Variants in SNRPD2 observed in about 807,000 individuals in gnomAD.
The protein encoded by SNRPD2 is small nuclear ribonucleoprotein Sm D2.
Under a neutral mutation model 11.5 loss-of-function variants are expected in SNRPD2, and 1 was observed. The observed-to-expected ratio is 0.09, with a 90% CI of 0.03 to 0.41. The LOEUF is 0.41. SNRPD2 is among the 10% of genes least tolerant of loss of function. SNRPD2 has a pLI of 0.98. For missense variants in SNRPD2, 77 were observed against 154.9 expected (o/e 0.50, Z 2.67); for synonymous variants, 63 against 61.5 (o/e 1.02, Z -0.12).
chr19:45,688,860 G>A lies in SNRPD2; in HGVS notation c.3-294C>T, dbSNP rs369579575. Among the ~76,000 whole-genome samples the A allele has an allele frequency of 1.3e-5, 2 of 152,102 alleles. No individual in the cohort carries two copies. The highest frequency in any genetic ancestry group is 3.9e-4 in the East Asian group (2 of 5,174). Reference sequence around the variant, plus strand: ...CGATTCTCCTGCCTCAGCCTCCTGAGGAGCTGGGACTACAGGCATGCACCA... The same window carrying A: ...CGATTCTCCTGCCTCAGCCTCCTGAAGAGCTGGGACTACAGGCATGCACCA... On this transcript the variant is annotated intron_variant, in intron 1 of 2. Transcript: ENST00000342669. The surrounding 1 kb of genome is among the most constrained non-coding windows in gnomAD (Gnocchi z 4.1).
At chr19:45,691,494 G>T (rs1967548896) in intron 1 of SNRPD2, 1 of 215,284 alleles carries the variant, frequency 4.6e-6, no homozygotes, top group South Asian at 6.7e-5. Context: ...AATTATCTAG[G>T]ACCACTCCCG....
At chr19:45,689,171 A>G in intron 1 of SNRPD2, 1 of 519,920 alleles carries the variant, frequency 1.9e-6, no homozygotes, top group Non-Finnish European at 3.8e-6. Context: ...TCTTTTGTCA[A>G]CTTGATTCCT....
At chr19:45,690,831 CAA>C (rs34253731) in intron 1 of SNRPD2, among the ~76,000 whole-genome samples, 16 of 87,392 alleles carry the variant, frequency 1.8e-4, no homozygotes, top group East Asian at 6.9e-4. Flanking sequence ...GGCTCCGTCT[CAA>C]AAAAAAAAAA....
chr19:45,691,553 T>TTTTTA, intron 1 of SNRPD2: 1 of 282,858 alleles, frequency 3.5e-6, no homozygotes, highest in South Asian at 8.2e-5. Context: ...TTTTTTTTTG[T>TTTTTA]AGAGACGGGG....
At chr19:45,692,038 G>C, upstream of SNRPD2, 1 of 1,588,446 alleles carries the variant, frequency 6.3e-7, no homozygotes, top group Non-Finnish European at 8.6e-7. Context: ...TGTTGCCACA[G>C]CATTCCCCAC....
chr19:45,687,821 G>A lies in SNRPD2; in HGVS notation c.183-94C>T, dbSNP rs1967449747. On this transcript the variant is annotated intron_variant, in intron 2 of 2. Transcript: ENST00000342669. The surrounding 1 kb of genome is among the most constrained non-coding windows in gnomAD (Gnocchi z 4.1). ...TGCTGCTCGCCCCCTCCAGCAGCAT[G>A]GCTTGGGGAAGGGTGCAGGTGCTAG... 1 of 1,054,490 alleles carries A rather than the reference G, an allele frequency of 9.5e-7. No individual in the cohort carries two copies. Among genetic ancestry groups the A allele is most frequent in the Admixed American group, 1.9e-5 (1 of 53,168 alleles). The allele number at this position is 1,054,490 out of a possible 1,614,324, so 65.3% of individuals were successfully genotyped here. A position where few individuals can be genotyped will look rare whatever the true frequency, so the allele number is the denominator to read the frequency against.
rs753245646 is a variant in SNRPD2, at chr19:45,688,925, G to C, written c.3-359C>G. Reference sequence around the variant, plus strand: ...TAATTTTTGTATTTTAGTAAACAGGGGGTTTCACCATGTTGGCCAGGATGG... The same window carrying C: ...TAATTTTTGTATTTTAGTAAACAGGCGGTTTCACCATGTTGGCCAGGATGG... On this transcript the variant is annotated intron_variant, in intron 1 of 2. Coordinates refer to ENST00000342669, the MANE Select transcript of SNRPD2 (RefSeq NM_001384647.1). The surrounding 1 kb of genome is among the most constrained non-coding windows in gnomAD (Gnocchi z 4.1). Among the ~76,000 whole-genome samples, 1 of 151,972 alleles carries C rather than the reference G, an allele frequency of 6.6e-6. No individual in the cohort carries two copies. The highest frequency in any genetic ancestry group is 2.4e-5 in the African/African-American group (1 of 41,368).
upstream of SNRPD2, chr19:45,692,002 G>A: frequency 1.9e-6 from 3 of 1,610,032 alleles, no homozygotes; most frequent in Non-Finnish European, 2.5e-6. Flanking sequence ...CCTGCGCAAA[G>A]CCAACCAGTA....
rs1967449484 is a variant in SNRPD2, at chr19:45,687,804, GC to G, written c.183-78del. ...CAGTGCCCCCTACTGCCTGCTGCTC[GC>G]CCCCTCCAGCAGCATGGCTTGGGGA... On this transcript the variant is annotated intron_variant, in intron 2 of 2. Coordinates refer to ENST00000342669, the MANE Select transcript of SNRPD2 (RefSeq NM_001384647.1). The surrounding 1 kb of genome is among the most constrained non-coding windows in gnomAD (Gnocchi z 4.1). 5.1e-6 allele frequency: 6 copies of G among 1,187,144 alleles called. No individual in the cohort carries two copies. Among genetic ancestry groups the G allele is most frequent in the Non-Finnish European group, 7.4e-6 (6 of 813,076 alleles). The allele number at this position is 1,187,144 out of a possible 1,614,324, so 73.5% of individuals were successfully genotyped here.
chr19:45,691,731 C>A (rs1475194258), intron 1 of SNRPD2, 156 bp downstream of exon 1: 1 of 926,602 alleles, frequency 1.1e-6, no homozygotes, highest in African/African-American at 1.6e-5. Flanking sequence ...AAAGGCCCCA[C>A]GCCCGTTCTC....
rs1353811375 is a variant in SNRPD2 at position 45,687,847 on chromosome 19, G to A, written c.183-120C>T. ...GCTTGGGGAAGGGTGCAGGTGCTAG[G>A]CCGGGATGACCAAGCTGCCAAAGCA... On this transcript the variant is annotated intron_variant, in intron 2 of 2. Transcript: ENST00000342669. The surrounding 1 kb of genome is among the most constrained non-coding windows in gnomAD (Gnocchi z 4.1). 6.2e-6 allele frequency: 5 copies of A among 800,026 alleles called. No individual in the cohort carries two copies. Among genetic ancestry groups the A allele is most frequent in the Non-Finnish European group, 1.0e-5 (5 of 494,062 alleles). 49.6% of individuals were successfully genotyped at this position (800,026 alleles called of 1,614,324 possible). A position where few individuals can be genotyped will look rare whatever the true frequency, so the allele number is the denominator to read the frequency against.
chr19:45,690,841 A>G (rs930238565), intron 1 of SNRPD2, among the ~76,000 whole-genome samples: 1 of 151,840 alleles, frequency 6.6e-6, no homozygotes, highest in Non-Finnish European at 1.5e-5. Flanking sequence ...CAAAAAAAAA[A>G]AAAAAAAGAA....
chr19:45,689,386 G>A (rs184204133), intron 1 of SNRPD2: 7 of 447,300 alleles, frequency 1.6e-5, no homozygotes, highest in Admixed American at 5.0e-5. Flanking sequence ...CCCTCCCAGG[G>A]TATGGGTACA....
At position 45,688,643 on chromosome 19, in the gene SNRPD2, G is replaced by T; in HGVS notation, c.3-77C>A. On this transcript the variant is annotated intron_variant, in intron 1 of 2. Transcript: ENST00000342669. The surrounding 1 kb of genome is among the most constrained non-coding windows in gnomAD (Gnocchi z 4.1). ...CTGGAGCTGTGAGGATGGGTGATCAGGGCCTTGGCTTCAGTGTCTCCCCAA... is the reference window on the plus strand; with the variant it reads ...CTGGAGCTGTGAGGATGGGTGATCATGGCCTTGGCTTCAGTGTCTCCCCAA... 8.7e-7 allele frequency: 1 copy of T among 1,151,306 alleles called. No individual in the cohort carries two copies. Among genetic ancestry groups the T allele is most frequent in the Non-Finnish European group, 1.3e-6 (1 of 772,464 alleles). The allele number at this position is 1,151,306 out of a possible 1,614,324, so 71.3% of individuals were successfully genotyped here.
upstream of SNRPD2, chr19:45,692,190 T>G: frequency 1.9e-6 from 1 of 517,670 alleles, no homozygotes; most frequent in South Asian, 2.6e-5. Context: ...TGGTACAGGT[T>G]GAAGGAGGGA....
Position 45,691,871 on chromosome 19 carries a change from C to G in SNRPD2, c.2+16G>C. The G allele has an allele frequency of 6.2e-7, 1 of 1,614,152 alleles. No homozygotes were observed. Among genetic ancestry groups the G allele is most frequent in the East Asian group, 2.2e-5 (1 of 44,892 alleles). ...CTCAACCTCATTCCCGCCGCCTAAG[C>G]CTAGCCCGGCCTCACATGATGGTCA... On this transcript the variant is annotated intron_variant, in intron 1 of 2. Transcript: ENST00000342669.
Position 45,691,918 on chromosome 19 carries a change from G to C in SNRPD2, c.-30C>G. The C allele has an allele frequency of 6.2e-7, 1 of 1,614,004 alleles. No individual in the cohort carries two copies. Among genetic ancestry groups the C allele is most frequent in the African/African-American group, 1.3e-5 (1 of 75,022 alleles). On this transcript the variant is annotated 5_prime_UTR_variant, in exon 1 of 3. Coordinates refer to ENST00000342669, the MANE Select transcript of SNRPD2 (RefSeq NM_001384647.1). ...GTCACTACGCTCTCCGTTCACTCCC[G>C]TTTCCTCCGCGTTGCTGCTGCCTGA... is the stretch of plus-strand genomic sequence containing the variant.
Position 45,687,742 on chromosome 19 carries a change from G to T in SNRPD2, c.183-15C>A. 6.2e-7 allele frequency: 1 copy of T among 1,611,170 alleles called. No individual in the cohort carries two copies. The highest frequency in any genetic ancestry group is 8.5e-7 in the Non-Finnish European group (1 of 1,178,458). On this transcript the variant is annotated splice_polypyrimidine_tract_variant and intron_variant, in intron 2 of 2. Coordinates refer to ENST00000342669, the MANE Select transcript of SNRPD2 (RefSeq NM_001384647.1). The surrounding 1 kb of genome is among the most constrained non-coding windows in gnomAD (Gnocchi z 4.1). ...TGTTGCAGTGCCTGGTGGGGAACAG[G>T]GAGGGGAGGCACTGGGCGTGAGGGG...
Position 45,688,311 on chromosome 19 carries a change from C to A in SNRPD2, c.182+76G>T. The A allele has an allele frequency of 7.6e-7, 1 of 1,320,164 alleles. No homozygotes were observed. 81.8% of individuals were successfully genotyped at this position (1,320,164 alleles called of 1,614,324 possible). A position where few individuals can be genotyped will look rare whatever the true frequency, so the allele number is the denominator to read the frequency against. Reference sequence around the variant, plus strand: ...CACCCCAGGCTTCTGAGACAGCTGTCTTTGAGCTCTTCAGACTGGAGCTGG... The same window carrying A: ...CACCCCAGGCTTCTGAGACAGCTGTATTTGAGCTCTTCAGACTGGAGCTGG... On this transcript the variant is annotated intron_variant, in intron 2 of 2. Transcript: ENST00000342669. This position sits in a 1 kb window ranked among gnomAD's most constrained non-coding sequence, Gnocchi z 4.1.
Sources: gnomAD v4.1 joint callset for allele counts (sites outside exome capture counted in the v4.1 genomes callset) on GRCh38, gnomAD v4.1.1 for gene constraint, Gnocchi (gnomAD v3.1) non-coding constraint, MANE v1.5 for transcripts, NCBI Gene and HGNC (gene_info 2026-07-23, HGNC 2026-07-21) for gene names.